Variants in KCNQ1 observed in about 807,000 individuals in gnomAD.
The protein encoded by KCNQ1 is potassium voltage-gated channel subfamily Q member 1, also known as potassium voltage-gated channel subfamily KQT member 1.
A neutral mutation model predicts 72.4 loss-of-function variants in KCNQ1; 49 were observed. The ratio of observed to expected loss-of-function variants is 0.68; its 90% confidence interval spans 0.54 to 0.86. The LOEUF is 0.86. KCNQ1 is among the 40% of genes least tolerant of loss of function. The pLI is 0.00. For synonymous variants in KCNQ1, 450 were observed against 412.6 expected (o/e 1.09, Z -1.10); for missense variants, 790 against 945.1 (o/e 0.84, Z 2.15).
chr11:2,692,236 C>T (rs1590035965), intron 11 of KCNQ1: 1 of 399,034 alleles, frequency 2.5e-6, no homozygotes, highest in East Asian at 3.6e-5. Context: ...TGCCCATCAC[C>T]TCAAGCCCAT....
rs900261762 is a variant in KCNQ1, at chr11:2,614,358, T to C, written c.1393+25504T>C. The stretch of plus-strand genomic sequence containing the variant: ...TTTAGTCTTCTGTGCACCCTTTAAA[T>C]TTTTTAAGTAACAGAAACCATTTCA... On this transcript the variant is annotated intron_variant, in intron 10 of 15. Transcript: ENST00000155840. 1.8e-5 allele frequency: 7 copies of C among 398,528 alleles called. No individual in the cohort carries two copies. The Admixed American group carries it at 2.2e-4, about 13-fold the overall frequency. 24.7% of individuals were successfully genotyped at this position (398,528 alleles called of 1,614,324 possible).
rs1847921029 is a variant in KCNQ1, at chr11:2,547,845, A to T, written c.477+19827A>T. ...TCTCTGTATGGAGGTGAAGGTCCAG[A>T]TGTTGGGGTTTCAGGGTCAAGCATT... On this transcript the variant is annotated intron_variant, in intron 2 of 15. Coordinates refer to ENST00000155840, the MANE Select transcript of KCNQ1 (RefSeq NM_000218.3). The surrounding 1 kb of genome is among the most constrained non-coding windows in gnomAD (Gnocchi z 4.2). Among the ~76,000 whole-genome samples, 1 of 152,096 alleles carries T rather than the reference A, an allele frequency of 6.6e-6. No homozygotes were observed. The highest frequency in any genetic ancestry group is 1.5e-5 in the Non-Finnish European group (1 of 68,004).
chr11:2,817,921 A>T lies in KCNQ1; in HGVS notation c.1795-29846A>T, dbSNP rs1847651902. ...CGCAAATGCTCCACATTTGCATTTT[A>T]AAAGCCCTGAGAAGGCCTGCAGTGA... On this transcript the variant is annotated intron_variant, in intron 15 of 15. Coordinates refer to ENST00000155840, the MANE Select transcript of KCNQ1 (RefSeq NM_000218.3). This position sits in a 1 kb window ranked among gnomAD's most constrained non-coding sequence, Gnocchi z 6.1. Among the ~76,000 whole-genome samples, 1 of 152,182 alleles carries T rather than the reference A, an allele frequency of 6.6e-6. No individual in the cohort carries two copies. The highest frequency in any genetic ancestry group is 1.5e-5 in the Non-Finnish European group (1 of 68,042).
rs775488780 is a variant in KCNQ1 at position 2,445,084 on chromosome 11, C to T, written c.-15C>T. On this transcript the variant is annotated 5_prime_UTR_variant, in exon 1 of 16. Coordinates refer to ENST00000155840, the MANE Select transcript of KCNQ1 (RefSeq NM_000218.3). ...GCCGCCGCTCGGGCCGGCCCCCCGG[C>T]AGGCCCTCCTCGTTATGGCCGCGGC... 7.5e-6 allele frequency: 8 copies of T among 1,070,892 alleles called. No homozygotes were observed. In the South Asian group the frequency reaches 3.0e-4, roughly 40 times the overall value. The allele number at this position is 1,070,892 out of a possible 1,614,324, so 66.3% of individuals were successfully genotyped here.
intron 11 of KCNQ1, chr11:2,699,487 G>GGAGAGTGCCGCGCTGAGGAGCCCCCA: frequency 2.5e-6 from 1 of 402,464 alleles, no homozygotes; most frequent in Non-Finnish European, 4.3e-6. Context: ...GGAGCCCCCG[G>GGAGAGTGCCGCGCTGAGGAGCCCCCA]GGAGAGTGCC....
Position 2,827,303 on chromosome 11 carries a change from G to T in KCNQ1, c.1795-20464G>T, listed in dbSNP as rs1228115726. On this transcript the variant is annotated intron_variant, in intron 15 of 15. Coordinates refer to ENST00000155840, the MANE Select transcript of KCNQ1 (RefSeq NM_000218.3). This position sits in a 1 kb window ranked among gnomAD's most constrained non-coding sequence, Gnocchi z 6.7. ...AGCAGAAGCTTCAGGGCTGATGTGT[G>T]CCTGGTGAATCAGCCTGGCCCCAGA... Among the ~76,000 whole-genome samples, 1 of 152,142 alleles carries T rather than the reference G, an allele frequency of 6.6e-6. No individual in the cohort carries two copies. The highest frequency in any genetic ancestry group is 6.5e-5 in the Admixed American group (1 of 15,276).
At chr11:2,680,207 A>T (rs79201531) in intron 11 of KCNQ1, 4 of 44,064 alleles carry the variant, frequency 9.1e-5, no homozygotes, top group Admixed American at 3.1e-4. Flanking sequence ...TTGCCTAATT[A>T]AAAAAAAAAA....
At chr11:2,696,434 T>C in intron 11 of KCNQ1, 2 of 398,702 alleles carry the variant, frequency 5.0e-6, no homozygotes, top group Non-Finnish European at 8.8e-6. Context: ...CTGAGCTCTC[T>C]TCTGGGCCTC....
rs1847838284 is a variant in KCNQ1, at chr11:2,826,299, G to A, written c.1795-21468G>A. Reference sequence around the variant, plus strand: ...AAATGAAGAAATTGAGCCGGGGTTGGGGGCGGGGAGGGCAGGTTAACCCTT... The same window carrying A: ...AAATGAAGAAATTGAGCCGGGGTTGAGGGCGGGGAGGGCAGGTTAACCCTT... On this transcript the variant is annotated intron_variant, in intron 15 of 15. Transcript: ENST00000155840. This position sits in a 1 kb window ranked among gnomAD's most constrained non-coding sequence, Gnocchi z 4.2. Among the ~76,000 whole-genome samples the A allele has an allele frequency of 6.6e-6, 1 of 152,248 alleles. No homozygotes were observed. Among genetic ancestry groups the A allele is most frequent in the Admixed American group, 6.5e-5 (1 of 15,288 alleles).
chr11:2,706,909 G>T (rs1850920464), intron 11 of KCNQ1, among the ~76,000 whole-genome samples: 1 of 152,194 alleles, frequency 6.6e-6, no homozygotes, highest in African/African-American at 2.4e-5. Context: ...GTGGCATTTT[G>T]GGTGGAGTGG....
In KCNQ1 at chr11:2,642,461, A is replaced by G. The variant is rs538655578; in HGVS notation, c.1394-19500A>G. ...TTTTTAAATCCTGTAACTGTAATCA[A>G]TTTATTGATCAGACTGAAGAGTTTT... is the stretch of plus-strand genomic sequence containing the variant. On this transcript the variant is annotated intron_variant, in intron 10 of 15. Coordinates refer to ENST00000155840, the MANE Select transcript of KCNQ1 (RefSeq NM_000218.3). This position sits in a 1 kb window ranked among gnomAD's most constrained non-coding sequence, Gnocchi z 4.3. 5.0e-6 allele frequency: 2 copies of G among 398,076 alleles called. No individual in the cohort carries two copies. The highest frequency in any genetic ancestry group is 4.1e-5 in the African/African-American group (2 of 48,718). The allele number at this position is 398,076 out of a possible 1,614,324, so 24.7% of individuals were successfully genotyped here. A position where few individuals can be genotyped will look rare whatever the true frequency, so the allele number is the denominator to read the frequency against.
At chr11:2,834,551 CAGAGCTGGGCCCACCTGTGA>C (rs1848022305) in intron 15 of KCNQ1, among the ~76,000 whole-genome samples, 1 of 152,162 alleles carries the variant, frequency 6.6e-6, no homozygotes, top group Non-Finnish European at 1.5e-5. Context: ...CAGACAGCAC[CAGAGCTGGGCCCACCTGTGA>C]GGTGCTGAGT....
chr11:2,630,793 T>C (rs895973854), intron 10 of KCNQ1: 14 of 398,366 alleles, frequency 3.5e-5, no homozygotes, highest in Non-Finnish European at 5.8e-5. Context: ...CCTTCAACTT[T>C]TGTTTACCTG....
rs1159510320 is a variant in KCNQ1 at position 2,549,449 on chromosome 11, C to G, written c.478-21179C>G. Reference sequence around the variant, plus strand: ...GTTTGAGGCCTCAGATTTTCTACCTCAAAGCGATGGAACCCAGAAGACATG... The same window carrying G: ...GTTTGAGGCCTCAGATTTTCTACCTGAAAGCGATGGAACCCAGAAGACATG... On this transcript the variant is annotated intron_variant, in intron 2 of 15. Transcript: ENST00000155840. This position sits in a 1 kb window ranked among gnomAD's most constrained non-coding sequence, Gnocchi z 6.2. Among the ~76,000 whole-genome samples, 1 of 152,182 alleles carries G rather than the reference C, an allele frequency of 6.6e-6. No individual in the cohort carries two copies. Among genetic ancestry groups the G allele is most frequent in the Non-Finnish European group, 1.5e-5 (1 of 68,016 alleles).
rs193243868 is a variant in KCNQ1 at position 2,735,074 on chromosome 11, C to T, written c.1515-33770C>T. The stretch of plus-strand genomic sequence containing the variant: ...CCAGGGAAGCCCTGCCTTGTCATCA[C>T]CTGTGCCGTGGCTGTCAGCGCGCAT... On this transcript the variant is annotated intron_variant, in intron 11 of 15. Coordinates refer to ENST00000155840, the MANE Select transcript of KCNQ1 (RefSeq NM_000218.3). This position sits in a 1 kb window ranked among gnomAD's most constrained non-coding sequence, Gnocchi z 7.7. Among the ~76,000 whole-genome samples, 254 of 152,272 alleles carry T rather than the reference C, an allele frequency of 1.7e-3. No homozygotes were observed. Among genetic ancestry groups the T allele is most frequent in the African/African-American group, 5.5e-3 (228 of 41,566 alleles).
chr11:2,717,429 G>A (rs10766310), intron 11 of KCNQ1, among the ~76,000 whole-genome samples: 77,633 of 152,064 alleles, frequency 0.51, 20,473 homozygotes, highest in East Asian at 0.74. Context: ...CAAAGCCACA[G>A]GGAGACTTCT....
chr11:2,834,249 G>A (rs1848016616), intron 15 of KCNQ1, among the ~76,000 whole-genome samples: 1 of 152,172 alleles, frequency 6.6e-6, no homozygotes, highest in African/African-American at 2.4e-5. Flanking sequence ...GTGACATGGT[G>A]TATGGCATGG....
chr11:2,721,770 C>G (rs767616290), intron 11 of KCNQ1, among the ~76,000 whole-genome samples: 37 of 152,222 alleles, frequency 2.4e-4, no homozygotes, highest in Non-Finnish European at 5.3e-4. Context: ...GCCTGGCCTG[C>G]AGCAGCCCTG....
In KCNQ1 at chr11:2,543,029, TG is replaced by T. The variant is rs1267984275; in HGVS notation, c.477+15013del. Among the ~76,000 whole-genome samples, 1 of 152,218 alleles carries T rather than the reference TG, an allele frequency of 6.6e-6. No individual in the cohort carries two copies. The highest frequency in any genetic ancestry group is 1.5e-5 in the Non-Finnish European group (1 of 68,046). On this transcript the variant is annotated intron_variant, in intron 2 of 15. Transcript: ENST00000155840. The surrounding 1 kb of genome is among the most constrained non-coding windows in gnomAD (Gnocchi z 5.6). ...TGTTAGCCAGTCTAAGAGGTGTGCG[TG>T]GCATCCTGCTGTGGTTTTAACTTTC... is the stretch of plus-strand genomic sequence containing the variant.
Sources: gnomAD v4.1 joint callset for allele counts (sites outside exome capture counted in the v4.1 genomes callset) on GRCh38, gnomAD v4.1.1 for gene constraint, Gnocchi (gnomAD v3.1) non-coding constraint, MANE v1.5 for transcripts, NCBI Gene and HGNC (gene_info 2026-07-23, HGNC 2026-07-21) for gene names.